Variants in TRIM61 observed in about 807,000 individuals in gnomAD.
TRIM61 encodes the protein putative tripartite motif-containing protein 61.
In TRIM61, 1 loss-of-function variant was observed where a neutral mutation model predicts 14.2. That is an observed-to-expected ratio of 0.07 (90% CI 0.03 to 0.33). The LOEUF (loss-of-function observed/expected upper bound fraction) is 0.33, where lower values mean the gene tolerates loss of function less well. Among genes scored for constraint, TRIM61 ranks in the 10% least tolerant of loss-of-function variants. TRIM61 has a pLI of 0.99. For synonymous variants in TRIM61, 8 were observed against 71.6 expected, an observed-to-expected ratio of 0.11 and a Z score of 4.49; for missense variants, 19 against 202.2, an observed-to-expected ratio of 0.09 and a Z score of 5.49.
rs181984042 is a variant in TRIM61 at position 164,976,789 on chromosome 4, T to C, written c.-439A>G. Reference sequence around the variant, plus strand: ...GGTTTTTTCCTAAGTTCCCAGATGATGCTGCTGGCCTGCGGACTGTACTTT... The same window carrying C: ...GGTTTTTTCCTAAGTTCCCAGATGACGCTGCTGGCCTGCGGACTGTACTTT... On this transcript the variant is annotated 5_prime_UTR_variant, in exon 2 of 5. Coordinates refer to ENST00000329314, the MANE Select transcript of TRIM61 (RefSeq NM_001012414.3). The C allele has an allele frequency of 6.2e-4, 95 of 152,362 alleles. No homozygotes were observed. The highest frequency in any genetic ancestry group is 2.0e-3 in the African/African-American group (82 of 41,580). 9.4% of individuals were successfully genotyped at this position (152,362 alleles called of 1,614,324 possible). A position where few individuals can be genotyped will look rare whatever the true frequency, so the allele number is the denominator to read the frequency against.
Position 164,960,040 on chromosome 4 carries a change from A to T in TRIM61, c.526-4944T>A, listed in dbSNP as rs183675916. Among the ~76,000 whole-genome samples the T allele has an allele frequency of 5.9e-5, 9 of 152,310 alleles. No homozygotes were observed. In the East Asian group the frequency reaches 1.5e-3, roughly 26 times the overall value. ...CCTTATAAAAAGATGAAATTTTGAC[A>T]CAAAGATATGCACAGAGGAAGATTA... On this transcript the variant is annotated intron_variant, in intron 3 of 4. Coordinates refer to ENST00000329314, the MANE Select transcript of TRIM61 (RefSeq NM_001012414.3).
intron 1 of TRIM61, among the ~76,000 whole-genome samples, chr4:164,977,170 G>A (rs1032116749): frequency 6.6e-6 from 1 of 152,064 alleles, no homozygotes; most frequent in African/African-American, 2.4e-5. Flanking sequence ...GCTTACATAG[G>A]TCGAGGGTGC....
chr4:164,957,659 T>A, intron 3 of TRIM61: 1 of 854,964 alleles, frequency 1.2e-6, no homozygotes, highest in Non-Finnish European at 1.8e-6. Flanking sequence ...GATTAAACTC[T>A]GATTTTGAGC....
intron 3 of TRIM61, among the ~76,000 whole-genome samples, chr4:164,955,302 C>G (rs1269270848): frequency 6.6e-6 from 1 of 152,020 alleles, no homozygotes; most frequent in Admixed American, 6.5e-5. Flanking sequence ...CTGAACTGTT[C>G]TGCATAATCA....
intron 3 of TRIM61, chr4:164,956,805 T>A (rs2111128570): frequency 1.8e-6 from 1 of 542,280 alleles, no homozygotes; most frequent in Non-Finnish European, 3.2e-6. Context: ...TCCTTCAGAA[T>A]GCAACTTTCT....
intron 2 of TRIM61, among the ~76,000 whole-genome samples, chr4:164,972,948 A>G (rs142890003): frequency 1.3e-4 from 20 of 152,236 alleles, no homozygotes; most frequent in African/African-American, 4.6e-4. Context: ...TTCGTATTTC[A>G]TTATCTTCAT....
chr4:164,962,444 C>A (rs1339710378), intron 3 of TRIM61, among the ~76,000 whole-genome samples: 16 of 150,570 alleles, frequency 1.1e-4, no homozygotes, highest in African/African-American at 3.9e-4. Flanking sequence ...GGGGTTTCAC[C>A]GTGTAAGCCA....
At chr4:164,969,214 T>G in intron 3 of TRIM61, 1 of 1,302,640 alleles carries the variant, frequency 7.7e-7, no homozygotes, top group Non-Finnish European at 9.8e-7. Context: ...GCTCAGGGAA[T>G]TTTAAATTCT....
intron 3 of TRIM61, among the ~76,000 whole-genome samples, chr4:164,961,159 A>AAAAAAAAAAAAAAAAAAAAAAAAG (rs1732126645): frequency 2.5e-5 from 1 of 40,690 alleles, no homozygotes; most frequent in Non-Finnish European, 4.3e-5. Context: ...CAGGCAAAAA[A>AAAAAAAAAAAAAAAAAAAAAAAAG]AAAAAAAAAA....
intron 2 of TRIM61, among the ~76,000 whole-genome samples, chr4:164,972,942 T>C (rs148924023): frequency 1.3e-4 from 20 of 152,306 alleles, no homozygotes; most frequent in African/African-American, 4.6e-4. Flanking sequence ...GAACCCTTCG[T>C]ATTTCATTAT....
chr4:164,976,529 C>T (rs984084731), intron 2 of TRIM61, among the ~76,000 whole-genome samples, 159 bp downstream of exon 2: 4 of 152,300 alleles, frequency 2.6e-5, no homozygotes, highest in African/African-American at 4.8e-5. Flanking sequence ...CTAGTTTAAA[C>T]CACTTATGTC....
chr4:164,967,001 C>T (rs1393149665), intron 3 of TRIM61, among the ~76,000 whole-genome samples: 3 of 152,048 alleles, frequency 2.0e-5, no homozygotes, highest in East Asian at 1.9e-4. Context: ...TTTACCTGCC[C>T]ATGACATGAC....
At chr4:164,967,077 G>A (rs1241096672) in intron 3 of TRIM61, among the ~76,000 whole-genome samples, 1 of 152,134 alleles carries the variant, frequency 6.6e-6, no homozygotes, top group Admixed American at 6.5e-5. Flanking sequence ...GCCAGCTATA[G>A]GCAATAAGAT....
At chr4:164,969,290 T>C in intron 3 of TRIM61, 1 of 1,464,936 alleles carries the variant, frequency 6.8e-7, no homozygotes, top group Non-Finnish European at 9.0e-7. Flanking sequence ...ATATATGCTC[T>C]CTATCTCCTT....
At chr4:164,959,973 A>G (rs1732097754) in intron 3 of TRIM61, among the ~76,000 whole-genome samples, 1 of 152,136 alleles carries the variant, frequency 6.6e-6, no homozygotes, top group African/African-American at 2.4e-5. Context: ...ATTGGTCAAA[A>G]TGAGGTCATT....
intron 3 of TRIM61, chr4:164,968,739 A>C (rs1732296940): frequency 1.0e-6 from 1 of 981,836 alleles, no homozygotes; most frequent in Non-Finnish European, 1.2e-6. Flanking sequence ...TTCATTTCAT[A>C]GTCTAAAAAA....
At chr4:164,956,111 A>G (rs1261986482) in intron 3 of TRIM61, among the ~76,000 whole-genome samples, 1 of 152,208 alleles carries the variant, frequency 6.6e-6, no homozygotes, top group Non-Finnish European at 1.5e-5. Flanking sequence ...TGTCGTCCAG[A>G]CTGAGGTGCA....
chr4:164,971,381 C>G (rs906447034), intron 2 of TRIM61, among the ~76,000 whole-genome samples: 4 of 152,052 alleles, frequency 2.6e-5, no homozygotes, highest in Non-Finnish European at 4.4e-5. Flanking sequence ...CACCTGAGGT[C>G]AGGTGTTCTA....
intron 2 of TRIM61, among the ~76,000 whole-genome samples, chr4:164,974,161 C>G (rs112470483): frequency 4.3e-4 from 65 of 152,270 alleles, no homozygotes; most frequent in African/African-American, 1.5e-3. Flanking sequence ...CAGAGCAAGG[C>G]TCTGTCTCAA....
Sources: gnomAD v4.1 joint callset for allele counts (sites outside exome capture counted in the v4.1 genomes callset) on GRCh38, gnomAD v4.1.1 for gene constraint, MANE v1.5 for transcripts, NCBI Gene and HGNC (gene_info 2026-07-23, HGNC 2026-07-21) for gene names.